The following EDIL3 variants were observed in gnomAD, a reference collection of about 807,000 sequenced individuals.
The protein encoded by EDIL3 is EGF like and discoidin domains 3.
Under a neutral mutation model 67.4 loss-of-function variants are expected in EDIL3, and 37 were observed. The ratio of observed to expected loss-of-function variants is 0.55; its 90% CI spans 0.42 to 0.72. The LOEUF (loss-of-function observed/expected upper bound fraction) is 0.72. Ranked by LOEUF, EDIL3 falls within the 30% of genes least tolerant of loss-of-function variation. EDIL3 has a pLI of 0.00. For missense variants in EDIL3, 527 were observed against 586.3 expected, an observed-to-expected ratio of 0.90 and a Z score of 1.04; for synonymous variants, 195 against 196.3, an observed-to-expected ratio of 0.99 and a Z score of 0.05.
intron 1 of EDIL3, among the ~76,000 whole-genome samples, chr5:84,292,496 G>T (rs931310182): frequency 8.6e-5 from 13 of 151,886 alleles, no homozygotes; most frequent in African/African-American, 3.2e-4. Context: ...GAATTGCACA[G>T]ATTTGTGCAG....
At chr5:83,989,871 TGTTGAGAAGCTACATGGCAAA>T (rs1422341401) in intron 9 of EDIL3, among the ~76,000 whole-genome samples, 2 of 152,168 alleles carry the variant, frequency 1.3e-5, no homozygotes, top group Non-Finnish European at 2.9e-5. Flanking sequence ...TCAGTGACCA[TGTTGAGAAGCTACATGGCAAA>T]GAACTGTGAG....
intron 9 of EDIL3, among the ~76,000 whole-genome samples, chr5:83,967,195 C>T (rs1327734311): frequency 1.3e-5 from 2 of 152,024 alleles, no homozygotes; most frequent in South Asian, 2.1e-4. Flanking sequence ...GTGGCATACA[C>T]CTGTAGTCCC....
chr5:84,215,010 G>A (rs1215069430), intron 3 of EDIL3, among the ~76,000 whole-genome samples: 2 of 151,786 alleles, frequency 1.3e-5, no homozygotes, highest in African/African-American at 2.4e-5. Flanking sequence ...GTGAGCCACC[G>A]CACCCGGCCC....
chr5:84,228,811 G>A (rs772984540), intron 3 of EDIL3, among the ~76,000 whole-genome samples: 3 of 152,070 alleles, frequency 2.0e-5, no homozygotes, highest in African/African-American at 4.8e-5. Flanking sequence ...ATGAAGCCAG[G>A]CTAGTTGAAG....
At chr5:84,291,391 G>A (rs1337857448) in intron 1 of EDIL3, among the ~76,000 whole-genome samples, 2 of 151,994 alleles carry the variant, frequency 1.3e-5, no homozygotes, top group Admixed American at 6.6e-5. Flanking sequence ...TAAGACAGAG[G>A]TTATCAGATT....
intron 1 of EDIL3, among the ~76,000 whole-genome samples, chr5:84,315,072 A>T (rs74723853): frequency 6.6e-6 from 1 of 152,176 alleles, no homozygotes; most frequent in South Asian, 2.1e-4. Context: ...GACTACAAAA[A>T]TAAAAGACAA....
rs1175960512 is a variant in EDIL3 at position 84,213,756 on chromosome 5, A to T, written c.226+16099T>A. 7.9e-5 allele frequency among the ~76,000 whole-genome samples: 12 copies of T among 152,338 alleles called. No individual in the cohort carries two copies. In the East Asian group the frequency reaches 9.6e-4, roughly 12 times the overall value. On this transcript the variant is annotated intron_variant, in intron 3 of 10. Transcript: ENST00000296591. ...TTAAAAAAAGGTATCTCACAAGAAC[A>T]CTATACCCAGGTATGTTTTATTTTA...
intron 9 of EDIL3, among the ~76,000 whole-genome samples, chr5:83,994,162 C>T (rs897048654): frequency 6.6e-6 from 1 of 152,178 alleles, no homozygotes; most frequent in South Asian, 2.1e-4. Flanking sequence ...ATGATGCAAA[C>T]AGTTCTAAGA....
intron 3 of EDIL3, among the ~76,000 whole-genome samples, chr5:84,225,823 T>C (rs955973261): frequency 6.6e-6 from 1 of 151,620 alleles, no homozygotes; most frequent in African/African-American, 2.4e-5. Context: ...CTAAATAGTA[T>C]GAGTGGTAAT....
At chr5:84,156,606 T>A (rs1488698925) in intron 4 of EDIL3, among the ~76,000 whole-genome samples, 2 of 152,214 alleles carry the variant, frequency 1.3e-5, no homozygotes. Flanking sequence ...TATGCTCAGT[T>A]TGCTATCTTA....
intron 9 of EDIL3, among the ~76,000 whole-genome samples, chr5:84,028,393 C>T (rs112431154): frequency 1.2e-4 from 19 of 152,198 alleles, no homozygotes; most frequent in African/African-American, 1.7e-4. Context: ...TTTCAGGAAA[C>T]GTAGTGAGTT....
chr5:83,947,369 CTG>C (rs34059015), intron 10 of EDIL3, among the ~76,000 whole-genome samples: 47,243 of 129,220 alleles, frequency 0.37, 8,386 homozygotes, highest in South Asian at 0.49. Flanking sequence ...GTGTCTGTGT[CTG>C]TGTGTGTGTG....
intron 1 of EDIL3, among the ~76,000 whole-genome samples, chr5:84,338,947 G>T (rs1041932890): frequency 6.6e-6 from 1 of 151,998 alleles, no homozygotes; most frequent in Non-Finnish European, 1.5e-5. Flanking sequence ...ATCATTTTGG[G>T]CTGAGTCCTG....
At chr5:84,115,505 T>C (rs1402767215) in intron 5 of EDIL3, among the ~76,000 whole-genome samples, 1 of 152,194 alleles carries the variant, frequency 6.6e-6, no homozygotes, top group African/African-American at 2.4e-5. Flanking sequence ...TAGTAGAGCC[T>C]ATGAACTCCA....
chr5:84,314,382 A>G (rs1746467494), intron 1 of EDIL3, among the ~76,000 whole-genome samples: 1 of 152,170 alleles, frequency 6.6e-6, no homozygotes, highest in African/African-American at 2.4e-5. Flanking sequence ...AGTGTCAGAA[A>G]CATCTGCTTT....
chr5:84,336,287 T>C (rs1331771675), intron 1 of EDIL3, among the ~76,000 whole-genome samples: 1 of 152,090 alleles, frequency 6.6e-6, no homozygotes, highest in African/African-American at 2.4e-5. Flanking sequence ...ACAGGGTGGG[T>C]GGAAGGTGAG....
intron 3 of EDIL3, among the ~76,000 whole-genome samples, chr5:84,217,721 AACACACACAC>A (rs61264723): frequency 1.6e-4 from 21 of 134,932 alleles, no homozygotes; most frequent in Non-Finnish European, 2.5e-4. Context: ...TATACACACA[AACACACACAC>A]ACACACACAC....
chr5:84,206,096 G>C (rs1743972383), intron 3 of EDIL3, among the ~76,000 whole-genome samples: 1 of 150,742 alleles, frequency 6.6e-6, no homozygotes, highest in Non-Finnish European at 1.5e-5. Context: ...GTGTCCCAGA[G>C]ATTCTGGTAT....
chr5:84,354,387 T>G (rs1343607229), intron 1 of EDIL3, among the ~76,000 whole-genome samples: 1 of 152,156 alleles, frequency 6.6e-6, no homozygotes, highest in East Asian at 1.9e-4. Flanking sequence ...CCAGGCACGG[T>G]GGCTCACACC....
Sources: allele counts gnomAD v4.1 joint callset (sites outside exome capture counted in the v4.1 genomes callset), GRCh38; gene constraint gnomAD v4.1.1; transcripts MANE v1.5; gene names NCBI Gene and HGNC (gene_info 2026-07-23, HGNC 2026-07-21).